PLXNC1: variants seen among roughly 807,000 people sequenced by gnomAD.
The protein encoded by PLXNC1 is plexin-C1.
PLXNC1 carries 75 observed loss-of-function variants against 178.2 expected under a neutral mutation model. That is an observed-to-expected ratio of 0.42 (90% CI 0.35 to 0.51). The LOEUF (loss-of-function observed/expected upper bound fraction) is 0.51. Among genes scored for constraint, PLXNC1 ranks in the 20% least tolerant of loss-of-function variants. The pLI is 0.02. For missense variants in PLXNC1, 1,503 were observed against 1,984.4 expected (o/e 0.76, Z 4.61); for synonymous variants, 790 against 779.9 (o/e 1.01, Z -0.22).
intron 4 of PLXNC1, among the ~76,000 whole-genome samples, chr12:94,197,345 A>G (rs118040670): frequency 6.6e-5 from 10 of 152,172 alleles, no homozygotes; most frequent in Admixed American, 2.0e-4. Context: ...TGAATGGATT[A>G]ATGACATTAT....
chr12:94,300,359 G>GA (rs1342175822), intron 27 of PLXNC1, among the ~76,000 whole-genome samples: 1 of 152,216 alleles, frequency 6.6e-6, no homozygotes, highest in African/African-American at 2.4e-5. Flanking sequence ...CCTGAGGCAA[G>GA]AAAGTTTCAG....
Position 94,196,073 on chromosome 12 carries a change from C to T in PLXNC1, c.1439+9600C>T, listed in dbSNP as rs372689078. Among the ~76,000 whole-genome samples, 8 of 152,132 alleles carry T rather than the reference C, an allele frequency of 5.3e-5. No homozygotes were observed. The East Asian group carries it at 9.6e-4, about 18-fold the overall frequency. On this transcript the variant is annotated intron_variant, in intron 4 of 30. Coordinates refer to ENST00000258526, the MANE Select transcript of PLXNC1 (RefSeq NM_005761.3). ...TCCTTCCCACCAGGACTGTGATTGC[C>T]CTGAAACTTGACCAGTATAATCCAT... is the stretch of plus-strand genomic sequence containing the variant.
chr12:94,204,724 C>T (rs1293755778), intron 4 of PLXNC1, among the ~76,000 whole-genome samples: 1 of 152,258 alleles, frequency 6.6e-6, no homozygotes, highest in Non-Finnish European at 1.5e-5. Context: ...CTCCACTGGG[C>T]TCTGTGCCTT....
intron 4 of PLXNC1, among the ~76,000 whole-genome samples, chr12:94,187,049 A>G (rs1437403810): frequency 6.6e-6 from 1 of 152,208 alleles, no homozygotes; most frequent in African/African-American, 2.4e-5. Context: ...CTTCCCCGCC[A>G]TGGCAGTTTC....
chr12:94,265,292 TG>T, intron 21 of PLXNC1, 67 bp downstream of exon 21: 1 of 1,430,840 alleles, frequency 7.0e-7, no homozygotes, highest in Non-Finnish European at 9.7e-7. Flanking sequence ...GAGGGTGAGG[TG>T]GGTCATTTAC....
At chr12:94,206,175 T>C (rs1045283068) in intron 4 of PLXNC1, among the ~76,000 whole-genome samples, 4 of 152,206 alleles carry the variant, frequency 2.6e-5, no homozygotes, top group Admixed American at 1.3e-4. Context: ...ATAAAGACTT[T>C]CTAAGTTTTC....
rs753360017 is a variant in PLXNC1 at position 94,259,314 on chromosome 12, T to G, written c.3088-23T>G. 1.9e-6 allele frequency: 3 copies of G among 1,561,092 alleles called. No homozygotes were observed. The East Asian group carries it at 6.8e-5, about 35-fold the overall frequency. ...CATTTCCTTTGGATGTTATGAATAA[T>G]AAAAGTGTCTCCTTCCTCTCAGTCA... On this transcript the variant is annotated intron_variant, in intron 17 of 30. Transcript: ENST00000258526.
intron 21 of PLXNC1, among the ~76,000 whole-genome samples, chr12:94,277,442 G>A (rs949906052): frequency 8.5e-5 from 13 of 152,148 alleles, no homozygotes; most frequent in Non-Finnish European, 1.3e-4. Flanking sequence ...CCACATCCAC[G>A]TCAGTGGTCC....
At chr12:94,222,989 C>G (rs1963837633) in intron 6 of PLXNC1, among the ~76,000 whole-genome samples, 1 of 152,194 alleles carries the variant, frequency 6.6e-6, no homozygotes, top group African/African-American at 2.4e-5. Flanking sequence ...AGTGTTATTG[C>G]TGTGGAGAAG....
chr12:94,191,277 G>A (rs1424644446), intron 4 of PLXNC1, among the ~76,000 whole-genome samples: 1 of 152,178 alleles, frequency 6.6e-6, no homozygotes, highest in Non-Finnish European at 1.5e-5. Flanking sequence ...GAAGCTCCCA[G>A]TACCATTCAA....
chr12:94,242,265 G>A (rs919347656), intron 11 of PLXNC1, among the ~76,000 whole-genome samples: 1 of 149,062 alleles, frequency 6.7e-6, no homozygotes, highest in African/African-American at 2.5e-5. Context: ...ATGTCTTCAC[G>A]TGGTCTTCCC....
intron 4 of PLXNC1, among the ~76,000 whole-genome samples, chr12:94,207,582 A>G (rs1319738917): frequency 2.6e-5 from 4 of 152,222 alleles, no homozygotes; most frequent in African/African-American, 9.6e-5. Context: ...ACACTGAGGG[A>G]TTTGCTAAAG....
chr12:94,272,632 A>G (rs184981341), intron 21 of PLXNC1, among the ~76,000 whole-genome samples: 1 of 152,296 alleles, frequency 6.6e-6, no homozygotes, highest in Admixed American at 6.5e-5. Flanking sequence ...CCCACTGGGC[A>G]TGGTGGCTCA....
intron 4 of PLXNC1, among the ~76,000 whole-genome samples, chr12:94,197,995 C>T (rs73224369): frequency 0.17 from 25,942 of 152,082 alleles, 2,364 homozygotes; most frequent in Middle Eastern, 0.18. Context: ...TTACTGAGTA[C>T]CTGATATGTG....
chr12:94,173,910 T>C (rs1961949030), intron 2 of PLXNC1, among the ~76,000 whole-genome samples: 1 of 152,106 alleles, frequency 6.6e-6, no homozygotes, highest in Admixed American at 6.5e-5. Context: ...CGGGGGTCTC[T>C]GAATCTCCTT....
At chr12:94,242,206 T>C (rs1403148679) in intron 11 of PLXNC1, among the ~76,000 whole-genome samples, 1 of 152,040 alleles carries the variant, frequency 6.6e-6, no homozygotes, top group Admixed American at 6.6e-5. Flanking sequence ...TAAGATTGGT[T>C]TCTCCTGAGG....
At chr12:94,150,928 G>T (rs1960939889) in intron 1 of PLXNC1, 1 of 152,258 alleles carries the variant, frequency 6.6e-6, no homozygotes. Context: ...CTTGAGATTG[G>T]CATTTCTTTG....
At chr12:94,177,569 G>C (rs946429808) in intron 2 of PLXNC1, among the ~76,000 whole-genome samples, 2 of 139,872 alleles carry the variant, frequency 1.4e-5, no homozygotes, top group African/African-American at 5.3e-5. Context: ...AAGAGAGAGA[G>C]GTAAGGAAGG....
intron 4 of PLXNC1, among the ~76,000 whole-genome samples, chr12:94,190,631 C>T (rs1422579895): frequency 6.6e-6 from 1 of 152,204 alleles, no homozygotes; most frequent in African/African-American, 2.4e-5. Flanking sequence ...GATTATGTCA[C>T]TCCCCAGCTT....
Sources: gnomAD v4.1 joint callset for allele counts (sites outside exome capture counted in the v4.1 genomes callset) on GRCh38, gnomAD v4.1.1 for gene constraint, MANE v1.5 for transcripts, NCBI Gene and HGNC (gene_info 2026-07-23, HGNC 2026-07-21) for gene names.